ATF6: variants seen among roughly 807,000 people sequenced by gnomAD.
ATF6 encodes cyclic AMP-dependent transcription factor ATF-6 alpha.
Under a neutral mutation model 83.6 loss-of-function variants are expected in ATF6, and 53 were observed. That is an observed-to-expected ratio of 0.63 (90% CI 0.51 to 0.80). The LOEUF (loss-of-function observed/expected upper bound fraction) is 0.80. Ranked by LOEUF, ATF6 falls within the 30% of genes least tolerant of loss-of-function variation. The pLI is 0.00. For synonymous variants in ATF6, 288 were observed against 285.8 expected (o/e 1.01, Z -0.08); for missense variants, 744 against 797.9 (o/e 0.93, Z 0.81).
intron 9 of ATF6, among the ~76,000 whole-genome samples, chr1:161,821,524 G>A (rs1685762646): frequency 6.6e-6 from 1 of 152,214 alleles, no homozygotes; most frequent in Non-Finnish European, 1.5e-5. Context: ...ACATTGAACT[G>A]TAATATCAGT....
In ATF6 at chr1:161,819,824, T is replaced by C. The variant is rs1685707612; in HGVS notation, c.1095+6T>C. On this transcript the variant is annotated splice_donor_region_variant and intron_variant, in intron 8 of 15. Transcript: ENST00000367942. ...TGGATGAAGTTGTGTCAGAGGTAAG[T>C]GTTAGTAATACGGCTGAGTCGAGAT... The C allele has an allele frequency of 6.2e-7, 1 of 1,604,768 alleles. No homozygotes were observed. Among genetic ancestry groups the C allele is most frequent in the African/African-American group, 1.3e-5 (1 of 74,084 alleles).
intron 9 of ATF6, among the ~76,000 whole-genome samples, chr1:161,845,733 G>T (rs1265872472): frequency 6.8e-6 from 1 of 146,636 alleles, no homozygotes; most frequent in Non-Finnish European, 1.5e-5. Context: ...CTGTGATTGT[G>T]CCACTGCACT....
At chr1:161,776,259 C>T (rs1296982232) in intron 1 of ATF6, among the ~76,000 whole-genome samples, 1 of 152,220 alleles carries the variant, frequency 6.6e-6, no homozygotes, top group Non-Finnish European at 1.5e-5. Flanking sequence ...CCTAACCACT[C>T]AGCCTGCGTT....
At chr1:161,769,755 C>T (rs996005938) in intron 1 of ATF6, among the ~76,000 whole-genome samples, 1 of 151,946 alleles carries the variant, frequency 6.6e-6, no homozygotes, top group Non-Finnish European at 1.5e-5. Flanking sequence ...TCATAAGGAG[C>T]GTGCACTCTA....
chr1:161,840,429 AG>A (rs1488118379), intron 9 of ATF6: 1 of 152,226 alleles, frequency 6.6e-6, no homozygotes, highest in Non-Finnish European at 1.5e-5. Flanking sequence ...GATAAGAAGC[AG>A]TTTCTTTTAA....
chr1:161,815,788 A>T (rs2101776892), intron 7 of ATF6, among the ~76,000 whole-genome samples: 1 of 152,226 alleles, frequency 6.6e-6, no homozygotes, highest in East Asian at 1.9e-4. Context: ...ACAAAAAAAT[A>T]AACTAGCCAG....
chr1:161,895,019 A>C (rs1571220825), intron 14 of ATF6, among the ~76,000 whole-genome samples: 1 of 152,068 alleles, frequency 6.6e-6, no homozygotes, highest in Non-Finnish European at 1.5e-5. Flanking sequence ...TGGGCAGAAC[A>C]CTTGAAGTCA....
chr1:161,774,265 C>G (rs1212756750), intron 1 of ATF6, among the ~76,000 whole-genome samples: 1 of 152,084 alleles, frequency 6.6e-6, no homozygotes, highest in Non-Finnish European at 1.5e-5. Flanking sequence ...TTTATAGGCT[C>G]ACTTCAGCAG....
intron 6 of ATF6, among the ~76,000 whole-genome samples, chr1:161,800,429 A>G (rs1301560147): frequency 6.6e-6 from 1 of 152,182 alleles, no homozygotes; most frequent in Non-Finnish European, 1.5e-5. Flanking sequence ...CCTGTGGACA[A>G]TCTGTAGTTG....
chr1:161,807,221 A>G (rs1354050233), intron 7 of ATF6, among the ~76,000 whole-genome samples: 2 of 152,212 alleles, frequency 1.3e-5, no homozygotes, highest in Admixed American at 6.5e-5. Context: ...AAATATGTCT[A>G]TAATAATCTA....
At chr1:161,899,240 A>G (rs1175724812) in intron 14 of ATF6, among the ~76,000 whole-genome samples, 1 of 152,220 alleles carries the variant, frequency 6.6e-6, no homozygotes, top group African/African-American at 2.4e-5. Flanking sequence ...CTCCTTCAGT[A>G]TTCCCAGGAT....
At chr1:161,857,037 T>C (rs1250022200) in intron 12 of ATF6, among the ~76,000 whole-genome samples, 2 of 152,144 alleles carry the variant, frequency 1.3e-5, no homozygotes, top group African/African-American at 4.8e-5. Flanking sequence ...TCAGTAGTAT[T>C]TGTCAGTAGT....
At chr1:161,809,657 C>T (rs954654725) in intron 7 of ATF6, among the ~76,000 whole-genome samples, 2 of 152,244 alleles carry the variant, frequency 1.3e-5, no homozygotes, top group South Asian at 2.1e-4. Flanking sequence ...TACAGTCCTA[C>T]TAACAGTGTA....
rs770918912 is a variant in ATF6, at chr1:161,802,245, A to G, written c.882A>G (p.Gln294=). The change falls in exon 7 of 16, where the codon CAA becomes CAG. Residue 294 remains glutamine, a synonymous_variant. Transcript: ENST00000367942. ...TTTCCGTGACTAAACCTGTCCTACA[A>G]AGTACCATGAGAAATGTCGGTTCAG... ...GKLSVTKPVL[Q]STMRNVGSDI... is the part of the protein sequence containing the mutation. The G allele has an allele frequency of 6.2e-7, 1 of 1,613,990 alleles. No individual in the cohort carries two copies. The highest frequency in any genetic ancestry group is 8.5e-7 in the Non-Finnish European group (1 of 1,179,940).
intron 14 of ATF6, among the ~76,000 whole-genome samples, chr1:161,876,376 G>A (rs1421169832): frequency 6.6e-6 from 1 of 152,002 alleles, no homozygotes; most frequent in Non-Finnish European, 1.5e-5. Flanking sequence ...AGCAGGCATT[G>A]AGCAAGGTCG....
intron 10 of ATF6, among the ~76,000 whole-genome samples, chr1:161,846,971 C>T (rs1686500130): frequency 6.6e-6 from 1 of 151,998 alleles, no homozygotes; most frequent in Admixed American, 6.6e-5. Flanking sequence ...CATGATTGAA[C>T]CTATTTGCAG....
chr1:161,827,561 G>T (rs1685933634), intron 9 of ATF6, among the ~76,000 whole-genome samples: 1 of 151,890 alleles, frequency 6.6e-6, no homozygotes, highest in African/African-American at 2.4e-5. Flanking sequence ...TTTTAGAACA[G>T]ATCACATTAC....
chr1:161,904,984 AG>A (rs1687853909), intron 14 of ATF6, among the ~76,000 whole-genome samples: 1 of 152,222 alleles, frequency 6.6e-6, no homozygotes, highest in South Asian at 2.1e-4. Context: ...AATGTGCTTT[AG>A]GGGCATTTTA....
chr1:161,852,098 T>G (rs1686645009), intron 11 of ATF6, among the ~76,000 whole-genome samples: 3 of 152,234 alleles, frequency 2.0e-5, no homozygotes, highest in African/African-American at 7.2e-5. Context: ...TTTCATGGTG[T>G]TAGGCTTACA....
Sources: allele counts gnomAD v4.1 joint callset (sites outside exome capture counted in the v4.1 genomes callset), GRCh38; gene constraint gnomAD v4.1.1; transcripts MANE v1.5; gene names NCBI Gene and HGNC (gene_info 2026-07-23, HGNC 2026-07-21).